Variants in OCLN observed in about 807,000 individuals in gnomAD.
The protein encoded by OCLN is occludin, also known as phosphatase 1, regulatory subunit 115.
In OCLN, 21 loss-of-function variants were observed where a neutral mutation model predicts 47.9. The observed-to-expected ratio is 0.44, with a 90% CI of 0.31 to 0.63. OCLN has a LOEUF of 0.63. OCLN is among the 30% of genes least tolerant of loss of function. OCLN has a pLI of 0.08. For missense variants in OCLN, 360 were observed against 571.0 expected (o/e 0.63, Z 3.77); for synonymous variants, 117 against 198.4 (o/e 0.59, Z 3.45).
At chr5:69,504,949 G>A (rs537715156) in intron 2 of OCLN, among the ~76,000 whole-genome samples, 6 of 147,580 alleles carry the variant, frequency 4.1e-5, no homozygotes, top group East Asian at 4.1e-4. Context: ...GCGAGACTCC[G>A]TCTGAAAAAA....
At chr5:69,515,493 C>T (rs1768917843) in intron 4 of OCLN, among the ~76,000 whole-genome samples, 1 of 134,582 alleles carries the variant, frequency 7.4e-6, no homozygotes, top group African/African-American at 2.8e-5. Context: ...CGGGCAGAGG[C>T]GCCCCTCACC....
At chr5:69,510,698 A>G (rs1768758865) in intron 3 of OCLN, among the ~76,000 whole-genome samples, 1 of 152,086 alleles carries the variant, frequency 6.6e-6, no homozygotes, top group South Asian at 2.1e-4. Flanking sequence ...AAAAAGAATC[A>G]TGCTATAGAC....
intron 2 of OCLN, among the ~76,000 whole-genome samples, chr5:69,507,177 C>G (rs1425025113): frequency 6.6e-6 from 1 of 152,190 alleles, no homozygotes; most frequent in Non-Finnish European, 1.5e-5. Context: ...CTTTGTTGCC[C>G]AGGCTGGAGT....
intron 4 of OCLN, among the ~76,000 whole-genome samples, chr5:69,527,515 G>A (rs1769315974): frequency 6.6e-6 from 1 of 152,062 alleles, no homozygotes; most frequent in South Asian, 2.1e-4. Context: ...AATTTTTGTG[G>A]GTACATAGTA....
chr5:69,496,621 A>G (rs1580539714), intron 1 of OCLN, among the ~76,000 whole-genome samples: 1 of 115,532 alleles, frequency 8.7e-6, no homozygotes, highest in Non-Finnish European at 1.7e-5. Flanking sequence ...GCCCAGCCTG[A>G]TCTTGAAGTT....
At chr5:69,520,557 G>T (rs1385323949) in intron 4 of OCLN, among the ~76,000 whole-genome samples, 1 of 151,992 alleles carries the variant, frequency 6.6e-6, no homozygotes, top group Non-Finnish European at 1.5e-5. Context: ...CTCCCAAAGT[G>T]CTGGGATTAC....
intron 4 of OCLN, among the ~76,000 whole-genome samples, chr5:69,521,401 CAT>C (rs1429720933): frequency 2.0e-5 from 3 of 152,150 alleles, no homozygotes; most frequent in South Asian, 4.1e-4. Flanking sequence ...CATTCTCTCA[CAT>C]GTCTTTATGC....
At chr5:69,498,529 GACTC>G (rs984226348) in intron 1 of OCLN, among the ~76,000 whole-genome samples, 5 of 151,864 alleles carry the variant, frequency 3.3e-5, no homozygotes, top group Non-Finnish European at 5.9e-5. Flanking sequence ...TTTTAAAAAT[GACTC>G]ATTTATGCCA....
chr5:69,515,147 C>CG (rs1352431314), intron 4 of OCLN, among the ~76,000 whole-genome samples: 2 of 141,688 alleles, frequency 1.4e-5, no homozygotes, highest in East Asian at 4.4e-4. Context: ...GCTGGCCGGG[C>CG]GGGGGGCTGA....
At chr5:69,509,105 A>G (rs1183601001) in intron 2 of OCLN, 36 bp from the exon 3 acceptor site, 3 of 1,581,232 alleles carry the variant, frequency 1.9e-6, no homozygotes, top group South Asian at 2.2e-5. Flanking sequence ...ACTACCAAAA[A>G]ATGCTAACTT....
chr5:69,499,242 A>G (rs1256106557), intron 1 of OCLN, among the ~76,000 whole-genome samples: 1 of 151,950 alleles, frequency 6.6e-6, no homozygotes, highest in African/African-American at 2.4e-5. Context: ...GGCTAATTTT[A>G]AGAAAAATTT....
At chr5:69,506,858 C>T (rs1296989942) in intron 2 of OCLN, among the ~76,000 whole-genome samples, 2 of 152,162 alleles carry the variant, frequency 1.3e-5, no homozygotes, top group Admixed American at 1.3e-4. Context: ...TTGAGTAATG[C>T]ACCACTAATC....
intron 4 of OCLN, among the ~76,000 whole-genome samples, chr5:69,522,568 T>G (rs1769167953): frequency 6.6e-6 from 1 of 152,160 alleles, no homozygotes; most frequent in Admixed American, 6.6e-5. Context: ...AGTTTTTGTG[T>G]TTTTGTTTTT....
chr5:69,500,594 G>T (rs779179578), intron 1 of OCLN, among the ~76,000 whole-genome samples: 1 of 151,976 alleles, frequency 6.6e-6, no homozygotes, highest in Non-Finnish European at 1.5e-5. Context: ...TAGAGATAGG[G>T]TTTCACCACA....
rs1489913528 is a variant in OCLN at position 69,555,498 on chromosome 5, A to T, written c.*1827A>T. On this transcript the variant is annotated 3_prime_UTR_variant, in exon 9 of 9. Coordinates refer to ENST00000396442, the MANE Select transcript of OCLN (RefSeq NM_001205254.2). ...TGGTCAGGCTGGTCTCGAACTCCTG[A>T]CCTCAGGTGATCCATCCACCTCGGC... 2.8e-5 allele frequency: 4 copies of T among 141,070 alleles called. No individual in the cohort carries two copies. Among genetic ancestry groups the T allele is most frequent in the Non-Finnish European group, 6.1e-5 (4 of 65,578 alleles). The allele number at this position is 141,070 out of a possible 1,614,324, so 8.7% of individuals were successfully genotyped here.
chr5:69,499,285 GGTCA>G (rs1358997742), intron 1 of OCLN, among the ~76,000 whole-genome samples: 1 of 151,856 alleles, frequency 6.6e-6, no homozygotes, highest in Non-Finnish European at 1.5e-5. Flanking sequence ...ATGTTGCTGT[GGTCA>G]GTCTTGGACT....
chr5:69,514,256 G>A, intron 4 of OCLN, 147 bp downstream of exon 4: 1 of 740,322 alleles, frequency 1.4e-6, no homozygotes, highest in East Asian at 2.7e-5. Context: ...AGAATTTTAA[G>A]AGGATGGGCT....
At position 69,515,135 on chromosome 5, in the gene OCLN, C is replaced by A. The variant is rs1334614207; in HGVS notation, c.891+1026C>A. 2.0e-5 allele frequency among the ~76,000 whole-genome samples: 3 copies of A among 149,636 alleles called. No individual in the cohort carries two copies. In the East Asian group the frequency reaches 6.0e-4, roughly 30 times the overall value. Reference sequence around the variant, plus strand: ...GGCGCCCCTCACCTCCTGGACCGGGCGGCTGGCCGGGCGGGGGGCTGACCC... The same window carrying A: ...GGCGCCCCTCACCTCCTGGACCGGGAGGCTGGCCGGGCGGGGGGCTGACCC... On this transcript the variant is annotated intron_variant, in intron 4 of 8. Transcript: ENST00000396442.
Position 69,553,627 on chromosome 5 carries a change from C to A in OCLN, c.1525C>A (p.His509Asn). 3 of 1,613,924 alleles carry A rather than the reference C, an allele frequency of 1.9e-6. No homozygotes were observed. Among genetic ancestry groups the A allele is most frequent in the Non-Finnish European group, 2.5e-6 (3 of 1,179,976 alleles). Residue 509 changes from histidine to asparagine, a missense_variant, in exon 9 of 9, where the codon CAC (histidine) becomes AAC (asparagine). Around this residue, in one of 3 missense-constraint regions of OCLN, gnomAD observed 25 missense variants for 43.9 expected, o/e 0.57. Coordinates refer to ENST00000396442, the MANE Select transcript of OCLN (RefSeq NM_001205254.2). ...HCKQLKSKLS[H>N]IKKMVGDYDR... ...CAAGCAGTTAAAGAGCAAATTGTCA[C>A]ACATCAAGAAGATGGTTGGAGACTA...
Sources: allele counts gnomAD v4.1 joint callset (sites outside exome capture counted in the v4.1 genomes callset), GRCh38; gene constraint gnomAD v4.1.1; regional missense constraint gnomAD v4.1.1; transcripts MANE v1.5; gene names NCBI Gene and HGNC (gene_info 2026-07-23, HGNC 2026-07-21).